EPB41L4A: variants seen among roughly 807,000 people sequenced by gnomAD.
The protein encoded by EPB41L4A is band 4.1-like protein 4A.
In EPB41L4A, 100 loss-of-function variants were observed where a neutral mutation model predicts 108.6. That is an observed-to-expected ratio of 0.92 (90% confidence interval 0.78 to 1.09). The LOEUF (loss-of-function observed/expected upper bound fraction) is 1.09, where lower values mean the gene tolerates loss of function less well. Among genes scored for constraint, EPB41L4A ranks in the 50% least tolerant of loss-of-function variants. EPB41L4A has a pLI of 0.00. For missense variants in EPB41L4A, 1,030 were observed against 842.7 expected, an observed-to-expected ratio of 1.22 and a Z score of -2.75; for synonymous variants, 319 against 289.0, an observed-to-expected ratio of 1.10 and a Z score of -1.05.
At chr5:112,215,925 C>T (rs1271802791) in intron 12 of EPB41L4A, among the ~76,000 whole-genome samples, 5 of 152,162 alleles carry the variant, frequency 3.3e-5, no homozygotes, top group Admixed American at 3.3e-4. Flanking sequence ...CTGTTAGACA[C>T]CACAGCTTAA....
intron 10 of EPB41L4A, 69 bp from the exon 11 acceptor site, chr5:112,239,806 C>T: frequency 1.1e-5 from 11 of 1,009,132 alleles, no homozygotes; most frequent in Non-Finnish European, 1.6e-5. Context: ...ACCCCCTTCT[C>T]CTAACACAAA....
At chr5:112,360,809 C>A (rs1410899672) in intron 1 of EPB41L4A, among the ~76,000 whole-genome samples, 9 of 151,986 alleles carry the variant, frequency 5.9e-5, no homozygotes, top group Non-Finnish European at 1.3e-4. Context: ...GCCCGGCCGC[C>A]CATCTTCTGG....
intron 12 of EPB41L4A, among the ~76,000 whole-genome samples, chr5:112,219,034 G>GT (rs1747850396): frequency 6.6e-6 from 1 of 152,176 alleles, no homozygotes; most frequent in African/African-American, 2.4e-5. Context: ...GAAATGAGTT[G>GT]TTTAGCAGTT....
chr5:112,307,029 T>C (rs187802315), intron 2 of EPB41L4A, among the ~76,000 whole-genome samples: 118 of 152,250 alleles, frequency 7.8e-4, no homozygotes, highest in Non-Finnish European at 1.5e-3. Context: ...AGGCAATTAA[T>C]ATCTCTCACC....
chr5:112,345,908 T>C (rs1757631347), intron 1 of EPB41L4A, among the ~76,000 whole-genome samples: 1 of 152,088 alleles, frequency 6.6e-6, no homozygotes. Context: ...TATAAACACC[T>C]ATGTATTTTA....
At chr5:112,191,936 T>G (rs1761722278) in intron 17 of EPB41L4A, 1 of 152,162 alleles carries the variant, frequency 6.6e-6, no homozygotes, top group Non-Finnish European at 1.5e-5. Context: ...GGGCTGAGTT[T>G]AGAGACCTTA....
chr5:112,196,229 G>A (rs1761960192), intron 15 of EPB41L4A, among the ~76,000 whole-genome samples: 1 of 152,092 alleles, frequency 6.6e-6, no homozygotes, highest in South Asian at 2.1e-4. Flanking sequence ...CAGCTTCAAT[G>A]GGGCATCCTG....
chr5:112,417,844 C>A (rs2112850509), intron 1 of EPB41L4A, among the ~76,000 whole-genome samples: 1 of 152,314 alleles, frequency 6.6e-6, no homozygotes, highest in East Asian at 1.9e-4. Flanking sequence ...GAATTCTGTA[C>A]ACTAAGAATG....
chr5:112,396,188 T>C (rs755694176), intron 1 of EPB41L4A, among the ~76,000 whole-genome samples: 1 of 152,090 alleles, frequency 6.6e-6, no homozygotes, highest in Non-Finnish European at 1.5e-5. Context: ...ACATGGCACA[T>C]GTATACATAT....
chr5:112,352,709 G>C (rs1449444620), intron 1 of EPB41L4A, among the ~76,000 whole-genome samples: 2 of 152,098 alleles, frequency 1.3e-5, no homozygotes, highest in Non-Finnish European at 2.9e-5. Flanking sequence ...GTTTTCTGTA[G>C]TGGTAGCAGC....
At chr5:112,342,098 C>T (rs12187589) in intron 1 of EPB41L4A, among the ~76,000 whole-genome samples, 20,725 of 152,088 alleles carry the variant, frequency 0.14, 1,566 homozygotes, top group African/African-American at 0.16. Context: ...TCTTGGGAGA[C>T]ACAAACTAAA....
At chr5:112,330,654 C>T (rs541616845) in intron 1 of EPB41L4A, among the ~76,000 whole-genome samples, 27 of 151,950 alleles carry the variant, frequency 1.8e-4, no homozygotes, top group African/African-American at 6.0e-4. Flanking sequence ...GCAGAAGACG[C>T]AGAATTTGAA....
chr5:112,359,158 A>C (rs1036877494), intron 1 of EPB41L4A, among the ~76,000 whole-genome samples: 6 of 152,190 alleles, frequency 3.9e-5, no homozygotes, highest in African/African-American at 1.4e-4. Flanking sequence ...TATGTATTTA[A>C]GATTTGTATA....
At chr5:112,308,755 T>C in intron 1 of EPB41L4A, among the ~76,000 whole-genome samples, 1 of 152,174 alleles carries the variant, frequency 6.6e-6, no homozygotes, top group East Asian at 1.9e-4. Flanking sequence ...AAATTACTCA[T>C]CTGAAGGATA....
At chr5:112,325,969 T>C (rs978746779) in intron 1 of EPB41L4A, among the ~76,000 whole-genome samples, 3 of 152,040 alleles carry the variant, frequency 2.0e-5, no homozygotes, top group South Asian at 2.1e-4. Context: ...TAGGGCAACA[T>C]TGTAAGACCC....
intron 12 of EPB41L4A, among the ~76,000 whole-genome samples, chr5:112,147,665 T>C (rs1580318807): frequency 7.2e-6 from 1 of 139,514 alleles, no homozygotes; most frequent in Non-Finnish European, 1.6e-5. Flanking sequence ...GATTAGCAAA[T>C]CCATAATGAA....
At chr5:112,392,660 T>G (rs1761030748) in intron 1 of EPB41L4A, 1 of 152,166 alleles carries the variant, frequency 6.6e-6, no homozygotes, top group Admixed American at 6.5e-5. Flanking sequence ...AACACCCCAC[T>G]GTCAATATTA....
intron 1 of EPB41L4A, chr5:112,392,624 C>G (rs1761028046): frequency 6.6e-6 from 1 of 152,116 alleles, no homozygotes; most frequent in South Asian, 2.1e-4. Context: ...GACTTAGACT[C>G]TCACACAATA....
At chr5:112,332,481 C>T (rs1756630605) in intron 1 of EPB41L4A, among the ~76,000 whole-genome samples, 1 of 152,128 alleles carries the variant, frequency 6.6e-6, no homozygotes, top group South Asian at 2.1e-4. Context: ...TTTTTAAAGA[C>T]CATAATAAAA....
Sources: gnomAD v4.1 joint callset for allele counts (sites outside exome capture counted in the v4.1 genomes callset) on GRCh38, gnomAD v4.1.1 for gene constraint, MANE v1.5 for transcripts, NCBI Gene and HGNC (gene_info 2026-07-23, HGNC 2026-07-21) for gene names.